PPP2R2A: variants seen among roughly 807,000 people sequenced by gnomAD.
PPP2R2A encodes the protein protein phosphatase 2 regulatory subunit Balpha.
Under a neutral mutation model 53.2 loss-of-function variants are expected in PPP2R2A, and 9 were observed. The observed-to-expected ratio is 0.17, with a 90% CI of 0.10 to 0.30. PPP2R2A has a LOEUF of 0.30. PPP2R2A is among the 10% of genes least tolerant of loss of function. PPP2R2A has a pLI of 1.00. For missense variants in PPP2R2A, 235 were observed against 534.6 expected, an observed-to-expected ratio of 0.44 and a Z score of 5.53; for synonymous variants, 169 against 174.2, an observed-to-expected ratio of 0.97 and a Z score of 0.23.
intron 2 of PPP2R2A, among the ~76,000 whole-genome samples, chr8:26,324,643 G>A (rs1432390096): frequency 2.0e-5 from 3 of 152,118 alleles, no homozygotes; most frequent in Admixed American, 6.6e-5. Context: ...GCATTGCCTC[G>A]CCAAGCTGTG....
chr8:26,316,944 T>G (rs187723149), intron 2 of PPP2R2A, among the ~76,000 whole-genome samples: 23 of 152,360 alleles, frequency 1.5e-4, no homozygotes, highest in African/African-American at 5.5e-4. Flanking sequence ...AAGATTATAG[T>G]CAGTTACTGA....
intron 9 of PPP2R2A, 77 bp downstream of exon 9, chr8:26,366,483 G>A (rs910848074): frequency 1.3e-5 from 14 of 1,081,826 alleles, no homozygotes; most frequent in African/African-American, 3.2e-5. Context: ...TCCTAACTTC[G>A]TCTCTAGGGA....
At chr8:26,353,534 A>G (rs936337981) in intron 3 of PPP2R2A, among the ~76,000 whole-genome samples, 1 of 152,120 alleles carries the variant, frequency 6.6e-6, no homozygotes, top group Non-Finnish European at 1.5e-5. Flanking sequence ...ATCTCATTCT[A>G]TTTTTTACTT....
intron 2 of PPP2R2A, among the ~76,000 whole-genome samples, chr8:26,299,181 T>C (rs369819637): frequency 1.3e-5 from 2 of 152,102 alleles, no homozygotes; most frequent in East Asian, 3.9e-4. Context: ...GGCTGAGACT[T>C]GAGCCTGAGA....
intron 2 of PPP2R2A, among the ~76,000 whole-genome samples, chr8:26,308,837 T>A (rs938681733): frequency 2.6e-5 from 4 of 152,160 alleles, no homozygotes; most frequent in African/African-American, 9.7e-5. Context: ...TCACTGTCTA[T>A]GTCAGTTACA....
intron 2 of PPP2R2A, among the ~76,000 whole-genome samples, chr8:26,324,380 G>A (rs943107143): frequency 6.6e-6 from 1 of 152,170 alleles, no homozygotes; most frequent in African/African-American, 2.4e-5. Context: ...ATGAGAGCAG[G>A]GATTTTTGTT....
At chr8:26,330,915 G>T (rs1249095212) in intron 2 of PPP2R2A, among the ~76,000 whole-genome samples, 1 of 152,108 alleles carries the variant, frequency 6.6e-6, no homozygotes, top group Non-Finnish European at 1.5e-5. Flanking sequence ...ACTTTGTTAG[G>T]ACAAGTTTAG....
At chr8:26,349,689 G>A (rs1440548860) in intron 3 of PPP2R2A, among the ~76,000 whole-genome samples, 1 of 152,162 alleles carries the variant, frequency 6.6e-6, no homozygotes, top group Non-Finnish European at 1.5e-5. Flanking sequence ...TCAAGAAATA[G>A]AACTTCCTAC....
rs1263861465 is a variant in PPP2R2A, at chr8:26,314,964, A to C, written c.82+21224A>C. Among the ~76,000 whole-genome samples, 31 of 123,094 alleles carry C rather than the reference A, an allele frequency of 2.5e-4. 1 individual carries two copies. The Admixed American group carries it at 2.9e-3, about 11-fold the overall frequency. 80.8% of individuals were successfully genotyped at this position (123,094 alleles called of 152,430 possible). ...GGGGAGTTCCTCAGTTTTGTTCTCA[A>C]CTCTTTCATTTATTTTTACCATTGC... On this transcript the variant is annotated intron_variant, in intron 2 of 9. Coordinates refer to ENST00000380737, the MANE Select transcript of PPP2R2A (RefSeq NM_002717.4).
chr8:26,351,615 A>C (rs1804519505), intron 3 of PPP2R2A, among the ~76,000 whole-genome samples: 1 of 152,134 alleles, frequency 6.6e-6, no homozygotes, highest in African/African-American at 2.4e-5. Context: ...TCACTTTACG[A>C]GTGGTTTTGG....
chr8:26,356,341 T>C (rs1355459369), intron 4 of PPP2R2A, among the ~76,000 whole-genome samples: 3 of 152,208 alleles, frequency 2.0e-5, no homozygotes, highest in Admixed American at 6.5e-5. Flanking sequence ...GGTGCCCGTT[T>C]TTCTGATCAT....
intron 2 of PPP2R2A, among the ~76,000 whole-genome samples, chr8:26,310,655 GATTTTTTTTTTCCTTTT>G (rs869055891): frequency 2.0e-3 from 252 of 123,224 alleles, no homozygotes; most frequent in African/African-American, 7.5e-3. Flanking sequence ...CGAAAGGTGT[GATTTTTTTTTTCCTTTT>G]TTTTTTTTTA....
chr8:26,361,205 T>C (rs1377948595), intron 6 of PPP2R2A, 54 bp downstream of exon 6: 146 of 1,462,718 alleles, frequency 1.0e-4, no homozygotes, highest in Non-Finnish European at 1.3e-4. Context: ...TGTGCCCATA[T>C]TAGATTTATT....
In PPP2R2A at chr8:26,362,040, CTTAAGATTAGA is replaced by C. The variant is rs1043336021; in HGVS notation, c.638-634_638-624del. 2.1e-5 allele frequency among the ~76,000 whole-genome samples: 3 copies of C among 139,642 alleles called. No individual in the cohort carries two copies. The South Asian group carries it at 6.5e-4, about 30-fold the overall frequency. The allele number at this position is 139,642 out of a possible 152,430, so 91.6% of individuals were successfully genotyped here. On this transcript the variant is annotated intron_variant, in intron 6 of 9. Transcript: ENST00000380737. The surrounding 1 kb of genome is among the most constrained non-coding windows in gnomAD (Gnocchi z 4.4). Reference sequence around the variant, plus strand: ...AGATTAAGATTAGATTAAGATTAATCTTAAGATTAGATTAAGATTAATTTTAAGATTAGAAA... The same window carrying C: ...AGATTAAGATTAGATTAAGATTAATCTTAAGATTAATTTTAAGATTAGAAA...
At chr8:26,337,099 A>G (rs1045800754) in intron 2 of PPP2R2A, among the ~76,000 whole-genome samples, 2 of 152,178 alleles carry the variant, frequency 1.3e-5, no homozygotes, top group Non-Finnish European at 2.9e-5. Context: ...AACTCGGCCC[A>G]TTATTCCACT....
chr8:26,330,532 G>A (rs1374311949), intron 2 of PPP2R2A, among the ~76,000 whole-genome samples: 3 of 151,844 alleles, frequency 2.0e-5, no homozygotes, highest in African/African-American at 7.3e-5. Flanking sequence ...GGTTTCATAC[G>A]TTGGCCAGAC....
chr8:26,291,545 C>T lies in PPP2R2A; in HGVS notation c.-275C>T, dbSNP rs866628729. 9.8e-6 allele frequency: 5 copies of T among 509,722 alleles called. No homozygotes were observed. Among genetic ancestry groups the T allele is most frequent in the Middle Eastern group, 5.2e-4 (1 of 1,920 alleles). The allele number at this position is 509,722 out of a possible 1,614,324, so 31.6% of individuals were successfully genotyped here. A position where few individuals can be genotyped will look rare whatever the true frequency, so the allele number is the denominator to read the frequency against. On this transcript the variant is annotated 5_prime_UTR_variant, in exon 1 of 10. Transcript: ENST00000380737. ...GCCATTTTGAAAGTGGAGTCGCCTG[C>T]CCCTGCCGCTGCCGCCGCCGCCGTC...
chr8:26,326,727 A>G (rs1297629961), intron 2 of PPP2R2A, among the ~76,000 whole-genome samples: 1 of 152,238 alleles, frequency 6.6e-6, no homozygotes, highest in Non-Finnish European at 1.5e-5. Context: ...TATACTTAAT[A>G]AGGCCACTGA....
chr8:26,313,211 T>TTAC (rs1362572833), intron 2 of PPP2R2A, among the ~76,000 whole-genome samples: 1 of 152,034 alleles, frequency 6.6e-6, no homozygotes, highest in East Asian at 1.9e-4. Context: ...TTTTTTGTAT[T>TTAC]TTTAGTAGAG....
Sources: gnomAD v4.1 joint callset for allele counts (sites outside exome capture counted in the v4.1 genomes callset) on GRCh38, gnomAD v4.1.1 for gene constraint, Gnocchi (gnomAD v3.1) non-coding constraint, MANE v1.5 for transcripts, NCBI Gene and HGNC (gene_info 2026-07-23, HGNC 2026-07-21) for gene names.